The following DLGAP2 variants were observed in gnomAD, a reference collection of about 807,000 sequenced individuals.
The protein encoded by DLGAP2 is DLG associated protein 2, also known as disks large-associated protein 2.
A neutral mutation model predicts 100.3 loss-of-function variants in DLGAP2; 26 were observed. The ratio of observed to expected loss-of-function variants is 0.26; its 90% CI spans 0.19 to 0.36. The LOEUF (loss-of-function observed/expected upper bound fraction) is 0.36. Among genes scored for constraint, DLGAP2 ranks in the 10% least tolerant of loss-of-function variants. The probability of loss-of-function intolerance (pLI) is 1.00; values close to 1 mark genes in which losing one functional copy is unlikely to be tolerated. For synonymous variants in DLGAP2, 886 were observed against 630.1 expected (o/e 1.41, Z -6.08); for missense variants, 1,858 against 1,453.2 (o/e 1.28, Z -4.53).
intron 3 of DLGAP2, among the ~76,000 whole-genome samples, chr8:1,342,348 A>G (rs1337487673): frequency 6.6e-6 from 1 of 152,132 alleles, no homozygotes; most frequent in East Asian, 1.9e-4. Flanking sequence ...GCTGGGTCCC[A>G]CAGATGATGC....
chr8:840,668 C>T lies in DLGAP2; in HGVS notation c.19-67244C>T, dbSNP rs555136948. On this transcript the variant is annotated intron_variant, in intron 1 of 14. Coordinates refer to ENST00000637795, the MANE Select transcript of DLGAP2 (RefSeq NM_001346810.2). ...CCCTACACTCTGGATTCTGCGAGCG[C>T]GTCCACACGGTGCACACCTGTATGT... Among the ~76,000 whole-genome samples the T allele has an allele frequency of 1.9e-4, 26 of 135,734 alleles. 3 individuals carry two copies. Among genetic ancestry groups the T allele is most frequent in the Admixed American group, 1.3e-3 (18 of 13,802 alleles). The allele number at this position is 135,734 out of a possible 152,430, so 89.0% of individuals were successfully genotyped here. A position where few individuals can be genotyped will look rare whatever the true frequency, so the allele number is the denominator to read the frequency against.
chr8:1,583,174 T>A (rs1376757080), intron 6 of DLGAP2, among the ~76,000 whole-genome samples: 1 of 152,200 alleles, frequency 6.6e-6, no homozygotes, highest in Non-Finnish European at 1.5e-5. Flanking sequence ...CTCCTGACAC[T>A]TCCGTTTTGG....
intron 3 of DLGAP2, among the ~76,000 whole-genome samples, chr8:1,355,553 C>T (rs555540707): frequency 1.2e-4 from 19 of 152,068 alleles, no homozygotes; most frequent in South Asian, 6.2e-4. Flanking sequence ...TTAGTAGAGG[C>T]GGGGTTTCTC....
intron 1 of DLGAP2, among the ~76,000 whole-genome samples, chr8:849,362 A>T (rs1797137826): frequency 6.6e-6 from 1 of 152,210 alleles, no homozygotes; most frequent in Non-Finnish European, 1.5e-5. Flanking sequence ...AAAGCACTGG[A>T]GCTGTTTCCA....
At chr8:1,417,767 C>T (rs1026549818) in intron 3 of DLGAP2, among the ~76,000 whole-genome samples, 7 of 143,052 alleles carry the variant, frequency 4.9e-5, no homozygotes, top group African/African-American at 1.8e-4. Context: ...ACCAGAGGGT[C>T]CTGGAATGAT....
At chr8:1,451,301 G>A (rs1798153702) in intron 3 of DLGAP2, among the ~76,000 whole-genome samples, 1 of 152,132 alleles carries the variant, frequency 6.6e-6, no homozygotes, top group African/African-American at 2.4e-5. Context: ...CCCAGACTCA[G>A]TCCCTGGGGG....
rs1804807650 is a variant in DLGAP2, at chr8:1,107,287, C to A, written c.74-151564C>A. 3.9e-5 allele frequency among the ~76,000 whole-genome samples: 6 copies of A among 152,274 alleles called. No individual in the cohort carries two copies. The South Asian group carries it at 1.2e-3, about 32-fold the overall frequency. Reference sequence around the variant, plus strand: ...GGCTGGAGGTGAGGGTGACTGAGTGCTTTCTAGATACTCATCACCACTCCA... The same window carrying A: ...GGCTGGAGGTGAGGGTGACTGAGTGATTTCTAGATACTCATCACCACTCCA... On this transcript the variant is annotated intron_variant, in intron 2 of 14. Transcript: ENST00000637795.
chr8:1,157,796 C>G (rs1796819105), intron 2 of DLGAP2, among the ~76,000 whole-genome samples: 1 of 152,220 alleles, frequency 6.6e-6, no homozygotes. Context: ...ACAAGGTCAT[C>G]CTGGGATCGG....
intron 3 of DLGAP2, among the ~76,000 whole-genome samples, chr8:1,279,477 C>A (rs543088172): frequency 1.3e-5 from 2 of 152,156 alleles, no homozygotes; most frequent in Non-Finnish European, 2.9e-5. Flanking sequence ...AATTAATATA[C>A]CAAGAAGGTG....
chr8:873,264 C>T (rs1418277228), intron 1 of DLGAP2, among the ~76,000 whole-genome samples: 1 of 152,114 alleles, frequency 6.6e-6, no homozygotes, highest in African/African-American at 2.4e-5. Context: ...TATATGATAT[C>T]ATGCCATCAG....
chr8:1,602,128 G>C (rs748447124), intron 6 of DLGAP2, among the ~76,000 whole-genome samples: 2 of 152,172 alleles, frequency 1.3e-5, no homozygotes, highest in Non-Finnish European at 2.9e-5. Context: ...GAGAGAGTGA[G>C]TGAATGTATA....
At chr8:1,531,186 A>G (rs1800978219) in intron 4 of DLGAP2, among the ~76,000 whole-genome samples, 1 of 151,820 alleles carries the variant, frequency 6.6e-6, no homozygotes. Context: ...AAAGCAGGCA[A>G]CTGGTTAAGT....
Position 1,565,833 on chromosome 8 carries a change from G to T in DLGAP2, c.1381G>T (p.Ala461Ser), listed in dbSNP as rs754587148. 6.2e-7 allele frequency: 1 copy of T among 1,613,298 alleles called. No homozygotes were observed. The highest frequency in any genetic ancestry group is 8.5e-7 in the Non-Finnish European group (1 of 1,179,598). Reference protein sequence around the residue: ...DSSPKTSPKSAILPEPLLKSI... With the variant: ...DSSPKTSPKSSILPEPLLKSI... ...CAGCCCCAAGACATCACCAAAGTCGGCAATCCTACCAGAGCCGCTGCTGAA... is the reference window on the plus strand; with the variant it reads ...CAGCCCCAAGACATCACCAAAGTCGTCAATCCTACCAGAGCCGCTGCTGAA... Residue 461 changes from alanine to serine, a missense_variant, in exon 6 of 15, where the codon GCA (alanine) becomes TCA (serine). Coordinates refer to ENST00000637795, the MANE Select transcript of DLGAP2 (RefSeq NM_001346810.2).
chr8:1,631,309 G>T (rs1209436002), intron 7 of DLGAP2, among the ~76,000 whole-genome samples: 2 of 152,056 alleles, frequency 1.3e-5, no homozygotes, highest in East Asian at 3.9e-4. Flanking sequence ...CCCTGGGTCG[G>T]GCTTACAGAA....
chr8:1,668,619 A>T lies in DLGAP2; in HGVS notation c.2101A>T (p.Ile701Phe). The change falls in exon 9 of 15, where the codon ATC (isoleucine) becomes TTC (phenylalanine). Residue 701 changes from isoleucine (I) to phenylalanine (F), a missense_variant. Physicochemically the swap from Ile to Phe is conservative, Grantham distance 21 (BLOSUM62 0). Coordinates refer to ENST00000637795, the MANE Select transcript of DLGAP2 (RefSeq NM_001346810.2). ...CTCTGTGCGGACCAGCGACAAGGCC[A>T]TCCTGGTGTCCAAGGCGGAGGAGCT... Reference protein sequence around the residue: ...SSSVRTSDKAILVSKAEELLK... With the variant: ...SSSVRTSDKAFLVSKAEELLK... 6.2e-7 allele frequency: 1 copy of T among 1,600,488 alleles called. No individual in the cohort carries two copies. The highest frequency in any genetic ancestry group is 8.5e-7 in the Non-Finnish European group (1 of 1,174,252).
intron 3 of DLGAP2, among the ~76,000 whole-genome samples, chr8:1,315,959 G>A (rs1279534551): frequency 2.2e-5 from 3 of 135,764 alleles, no homozygotes; most frequent in African/African-American, 5.2e-5. Context: ...GTCTACACTC[G>A]AGAAACTTCG....
chr8:1,194,939 C>A (rs12549605), intron 2 of DLGAP2, among the ~76,000 whole-genome samples: 1 of 152,116 alleles, frequency 6.6e-6, no homozygotes, highest in Admixed American at 6.5e-5. Context: ...CAACTACCAA[C>A]GGACAGTCAG....
intron 4 of DLGAP2, among the ~76,000 whole-genome samples, chr8:1,538,704 T>A (rs1268586649): frequency 6.6e-6 from 1 of 152,072 alleles, no homozygotes; most frequent in Admixed American, 6.5e-5. Context: ...ACCATTGTCA[T>A]TCCAACCTCT....
At chr8:1,205,158 C>T (rs959861839) in intron 2 of DLGAP2, among the ~76,000 whole-genome samples, 1 of 152,184 alleles carries the variant, frequency 6.6e-6, no homozygotes, top group African/African-American at 2.4e-5. Context: ...AAAGGTCCAT[C>T]GCGTTTTTTC....
Sources: allele counts gnomAD v4.1 joint callset (sites outside exome capture counted in the v4.1 genomes callset), GRCh38; gene constraint gnomAD v4.1.1; transcripts MANE v1.5; gene names NCBI Gene and HGNC (gene_info 2026-07-23, HGNC 2026-07-21).